Variants in SOX5 observed in about 807,000 individuals in gnomAD.
SOX5 encodes SRY-box transcription factor 5.
Under a neutral mutation model 92.0 loss-of-function variants are expected in SOX5, and 9 were observed. The ratio of observed to expected loss-of-function variants is 0.10; its 90% CI spans 0.06 to 0.17. The LOEUF is 0.17. Ranked by LOEUF, SOX5 falls within the 10% of genes least tolerant of loss-of-function variation. SOX5 has a pLI of 1.00. For synonymous variants in SOX5, 344 were observed against 336.3 expected (o/e 1.02, Z -0.25); for missense variants, 642 against 944.5 (o/e 0.68, Z 4.20).
intron 2 of SOX5, among the ~76,000 whole-genome samples, chr12:24,333,455 T>C (rs1951552932): frequency 6.6e-6 from 1 of 152,048 alleles, no homozygotes; most frequent in Admixed American, 6.6e-5. Flanking sequence ...TAACGGGATC[T>C]TAAGAGATTT....
At chr12:24,401,531 G>A (rs990865049) in intron 1 of SOX5, among the ~76,000 whole-genome samples, 7 of 151,360 alleles carry the variant, frequency 4.6e-5, no homozygotes, top group African/African-American at 9.7e-5. Flanking sequence ...GCAACATAGC[G>A]AGACCTCGTC....
intron 4 of SOX5, among the ~76,000 whole-genome samples, chr12:23,994,574 G>C (rs1001578776): frequency 6.6e-6 from 1 of 151,998 alleles, no homozygotes; most frequent in Non-Finnish European, 1.5e-5. Flanking sequence ...TATTTTCTCC[G>C]TAATTTTGCC....
At position 24,037,128 on chromosome 12, in the gene SOX5, TA is replaced by T. The variant is rs1357363547; in HGVS notation, c.-1-141105del. On this transcript the variant is annotated intron_variant, in intron 4 of 4. Transcript: ENST00000446891. Reference sequence around the variant, plus strand: ...ACTCTTCATCAGTTAGCATTAGTGATAGGGGGAGGGGGAGGGAGAAAATAAA... The same window carrying T: ...ACTCTTCATCAGTTAGCATTAGTGATGGGGGAGGGGGAGGGAGAAAATAAA... Among the ~76,000 whole-genome samples the T allele has an allele frequency of 2.0e-5, 3 of 152,086 alleles. No individual in the cohort carries two copies. In the East Asian group the frequency reaches 5.8e-4, roughly 29 times the overall value.
intron 4 of SOX5, among the ~76,000 whole-genome samples, chr12:24,190,581 T>G (rs574698319): frequency 6.6e-6 from 1 of 152,320 alleles, no homozygotes; most frequent in East Asian, 1.9e-4. Context: ...TCAGTGTCAG[T>G]GACTTCATGT....
chr12:23,719,985 G>A (rs1359813918), intron 6 of SOX5, among the ~76,000 whole-genome samples: 1 of 152,082 alleles, frequency 6.6e-6, no homozygotes, highest in Non-Finnish European at 1.5e-5. Context: ...GTAGAAGACA[G>A]GTTTAAGTAA....
chr12:24,024,127 A>G (rs1354518630), intron 4 of SOX5, among the ~76,000 whole-genome samples: 8 of 152,000 alleles, frequency 5.3e-5, no homozygotes, highest in Admixed American at 5.3e-4. Flanking sequence ...TATTTTGAGG[A>G]GATTATTTAA....
At chr12:24,016,610 G>A (rs543054336) in intron 4 of SOX5, among the ~76,000 whole-genome samples, 59 of 152,240 alleles carry the variant, frequency 3.9e-4, no homozygotes, top group African/African-American at 1.2e-3. Context: ...AGGAAAAATT[G>A]TTGTATTTGC....
chr12:24,006,959 C>A (rs1169616930), intron 4 of SOX5, among the ~76,000 whole-genome samples: 1 of 151,038 alleles, frequency 6.6e-6, no homozygotes, highest in African/African-American at 2.4e-5. Flanking sequence ...CATGGTGAAA[C>A]CCCGTGTCTA....
chr12:24,007,793 GCACA>G (rs66700500), intron 4 of SOX5, among the ~76,000 whole-genome samples: 1,619 of 34,810 alleles, frequency 0.047, 460 homozygotes, highest in African/African-American at 0.1. Context: ...ACATACGCAC[GCACA>G]CACACACACA....
At chr12:24,495,014 C>T (rs1947472883) in intron 1 of SOX5, among the ~76,000 whole-genome samples, 2 of 152,244 alleles carry the variant, frequency 1.3e-5, no homozygotes, top group Non-Finnish European at 2.9e-5. Context: ...ATTTGGAGTA[C>T]TCATTGCTAA....
chr12:23,631,297 T>G (rs748516628), intron 8 of SOX5, among the ~76,000 whole-genome samples: 1 of 152,076 alleles, frequency 6.6e-6, no homozygotes. Flanking sequence ...TTAAATAAAT[T>G]AAAGAATACT....
Position 23,635,508 on chromosome 12 carries a change from C to T in SOX5, c.1017+5304G>A, listed in dbSNP as rs933328338. 2.0e-5 allele frequency among the ~76,000 whole-genome samples: 3 copies of T among 151,860 alleles called. No homozygotes were observed. The East Asian group carries it at 5.8e-4, about 30-fold the overall frequency. On this transcript the variant is annotated intron_variant, in intron 8 of 14. Coordinates refer to ENST00000451604, the MANE Select transcript of SOX5 (RefSeq NM_006940.6). The stretch of plus-strand genomic sequence containing the variant: ...ACAGGAAGGGGAACATCACACACCA[C>T]ACCGGGGCCTGTCGTGGGGTGGGAG...
intron 4 of SOX5, among the ~76,000 whole-genome samples, chr12:24,062,152 T>C (rs1017788332): frequency 1.3e-5 from 2 of 152,200 alleles, no homozygotes; most frequent in African/African-American, 4.8e-5. Context: ...GCCAAAATGA[T>C]GTACAATAGT....
intron 1 of SOX5, among the ~76,000 whole-genome samples, chr12:24,483,824 C>T (rs1946244761): frequency 6.6e-6 from 1 of 152,212 alleles, no homozygotes; most frequent in Non-Finnish European, 1.5e-5. Flanking sequence ...TATGAACACA[C>T]TTTCTGCATT....
intron 10 of SOX5, among the ~76,000 whole-genome samples, chr12:23,574,512 T>C (rs979024297): frequency 6.6e-6 from 1 of 152,238 alleles, no homozygotes; most frequent in African/African-American, 2.4e-5. Flanking sequence ...ATACATTCTA[T>C]TGTGACTGAA....
intron 1 of SOX5, among the ~76,000 whole-genome samples, chr12:23,935,805 T>C (rs538901204): frequency 6.6e-6 from 1 of 151,276 alleles, no homozygotes; most frequent in South Asian, 2.1e-4. Context: ...GAATTTAAAA[T>C]GTAGTTGTTG....
intron 4 of SOX5, among the ~76,000 whole-genome samples, chr12:23,748,240 T>C (rs149178212): frequency 1.1e-4 from 16 of 152,132 alleles, no homozygotes; most frequent in Admixed American, 3.3e-4. Flanking sequence ...CCAGTATCTA[T>C]AGAATAATAC....
intron 4 of SOX5, among the ~76,000 whole-genome samples, chr12:24,080,408 A>G (rs1285308390): frequency 1.3e-5 from 2 of 152,086 alleles, no homozygotes; most frequent in Non-Finnish European, 2.9e-5. Flanking sequence ...ATCTCCTACA[A>G]TGATATATCT....
chr12:24,302,885 A>G (rs1479085897), intron 2 of SOX5, among the ~76,000 whole-genome samples: 2 of 152,176 alleles, frequency 1.3e-5, no homozygotes, highest in African/African-American at 2.4e-5. Flanking sequence ...AGTGGGGAAA[A>G]TGAAATTGCT....
Sources: allele counts gnomAD v4.1 joint callset (sites outside exome capture counted in the v4.1 genomes callset), GRCh38; gene constraint gnomAD v4.1.1; transcripts MANE v1.5; gene names NCBI Gene and HGNC (gene_info 2026-07-23, HGNC 2026-07-21).